Variants in GRID2 observed in about 807,000 individuals in gnomAD.
GRID2 encodes glutamate receptor ionotropic, delta-2.
In GRID2, 33 loss-of-function variants were observed where a neutral mutation model predicts 114.8. The observed-to-expected ratio is 0.29, with a 90% confidence interval of 0.22 to 0.38. The LOEUF is 0.38. GRID2 is among the 10% of genes least tolerant of loss of function. The pLI is 1.00. For missense variants in GRID2, 1,184 were observed against 1,257.7 expected, an observed-to-expected ratio of 0.94 and a Z score of 0.89; for synonymous variants, 505 against 449.9, an observed-to-expected ratio of 1.12 and a Z score of -1.55.
At chr4:93,521,713 A>G (rs1730356232) in intron 13 of GRID2, among the ~76,000 whole-genome samples, 2 of 152,082 alleles carry the variant, frequency 1.3e-5, no homozygotes, top group South Asian at 4.1e-4. Context: ...AGGTACTGGA[A>G]AAAAAATGCC....
chr4:92,843,547 T>A (rs902469343), intron 2 of GRID2, among the ~76,000 whole-genome samples: 58 of 152,278 alleles, frequency 3.8e-4, no homozygotes, highest in African/African-American at 1.3e-3. Context: ...AACATTTTCA[T>A]GAGGAATAAC....
rs200922538 is a variant in GRID2 at position 92,584,763 on chromosome 4, TA to T, written c.89-5359del. Among the ~76,000 whole-genome samples, 407 of 150,402 alleles carry T rather than the reference TA, an allele frequency of 2.7e-3. 1 individual carries two copies. The highest frequency in any genetic ancestry group is 8.0e-3 in the African/African-American group (327 of 41,064). On this transcript the variant is annotated intron_variant, in intron 1 of 15. Transcript: ENST00000282020. ...ACCCTCTGTCTATATATAGCCACCA[TA>T]AAAAAAAATGCTTAAAGTGAAAAAA...
intron 1 of GRID2, among the ~76,000 whole-genome samples, chr4:92,536,439 A>G (rs1443414488): frequency 6.6e-6 from 1 of 152,184 alleles, no homozygotes; most frequent in Non-Finnish European, 1.5e-5. Context: ...GTTGCATAGT[A>G]CTAGACAGAC....
intron 5 of GRID2, among the ~76,000 whole-genome samples, chr4:93,212,931 C>T (rs906008175): frequency 1.3e-4 from 20 of 151,966 alleles, no homozygotes; most frequent in Non-Finnish European, 5.9e-5. Flanking sequence ...TGCCACCACG[C>T]CTGGCTAATT....
At chr4:92,657,633 A>G (rs1732310196) in intron 2 of GRID2, among the ~76,000 whole-genome samples, 1 of 151,358 alleles carries the variant, frequency 6.6e-6, no homozygotes, top group Non-Finnish European at 1.5e-5. Context: ...TATCTGAAAG[A>G]GGAAAAACAA....
At chr4:93,421,023 G>A (rs912777637) in intron 9 of GRID2, among the ~76,000 whole-genome samples, 3 of 152,120 alleles carry the variant, frequency 2.0e-5, no homozygotes, top group Non-Finnish European at 4.4e-5. Flanking sequence ...AAAGTGCTGG[G>A]ATATTTCTTT....
chr4:92,355,697 A>C (rs2110191647), intron 1 of GRID2, among the ~76,000 whole-genome samples: 1 of 152,000 alleles, frequency 6.6e-6, no homozygotes, highest in African/African-American at 2.4e-5. Flanking sequence ...TTCAATATTT[A>C]TAATTATTCC....
intron 12 of GRID2, among the ~76,000 whole-genome samples, chr4:93,497,544 C>T (rs750488192): frequency 4.0e-5 from 6 of 151,672 alleles, no homozygotes; most frequent in Non-Finnish European, 8.8e-5. Flanking sequence ...GTATAAAGTG[C>T]AACGTTTAGG....
rs889317362 is a variant in GRID2 at position 93,583,821 on chromosome 4, A to C, written c.2194-42448A>C. Among the ~76,000 whole-genome samples, 27 of 152,186 alleles carry C rather than the reference A, an allele frequency of 1.8e-4. 1 individual carries two copies. Among genetic ancestry groups the C allele is most frequent in the Admixed American group, 1.3e-3 (20 of 15,266 alleles). ...CAAGCTTATACACTAGCAATTGACA[A>C]CTAATACATAGCCTTCAAGCTTTTT... On this transcript the variant is annotated intron_variant, in intron 13 of 15. Coordinates refer to ENST00000282020, the MANE Select transcript of GRID2 (RefSeq NM_001510.4).
In GRID2 at chr4:93,324,163, A is replaced by C. The variant is rs190333502; in HGVS notation, c.1246-71444A>C. ...GAGTGCTTCCAGTTTTTGTCCATTCAGTATGATATTGTCTGTGGGTTTGTC... is the reference window on the plus strand; with the variant it reads ...GAGTGCTTCCAGTTTTTGTCCATTCCGTATGATATTGTCTGTGGGTTTGTC... On this transcript the variant is annotated intron_variant, in intron 8 of 15. Transcript: ENST00000282020. 2.2e-3 allele frequency among the ~76,000 whole-genome samples: 340 copies of C among 152,258 alleles called. 3 individuals carry two copies. Among genetic ancestry groups the C allele is most frequent in the Non-Finnish European group, 4.1e-3 (282 of 68,020 alleles).
chr4:93,153,724 G>C (rs1736927545), intron 4 of GRID2, among the ~76,000 whole-genome samples: 1 of 152,060 alleles, frequency 6.6e-6, no homozygotes, highest in African/African-American at 2.4e-5. Flanking sequence ...AGCCATCCTG[G>C]AGAATTCCGG....
rs118120552 is a variant in GRID2 at position 93,055,956 on chromosome 4, T to C, written c.245-29039T>C. ...TCCCCTCATCTCCAAAAGTCACCTT[T>C]TGAATTCACACTCTTAGTTTACGAC... On this transcript the variant is annotated intron_variant, in intron 2 of 15. Transcript: ENST00000282020. Among the ~76,000 whole-genome samples, 636 of 152,024 alleles carry C rather than the reference T, an allele frequency of 4.2e-3. 19 individuals are homozygous for C. The East Asian group carries it at 0.061, about 15-fold the overall frequency.
intron 2 of GRID2, among the ~76,000 whole-genome samples, chr4:92,630,121 G>A (rs887747875): frequency 4.6e-5 from 7 of 151,754 alleles, no homozygotes; most frequent in Non-Finnish European, 7.4e-5. Context: ...GTGAAATCTC[G>A]GGTCTAGACA....
intron 2 of GRID2, among the ~76,000 whole-genome samples, chr4:92,975,950 A>G (rs1288353341): frequency 3.9e-5 from 6 of 152,276 alleles, no homozygotes; most frequent in African/African-American, 1.2e-4. Flanking sequence ...ACACATATAC[A>G]TATATGATAT....
intron 2 of GRID2, among the ~76,000 whole-genome samples, chr4:92,696,616 G>A (rs17019786): frequency 0.065 from 9,930 of 152,078 alleles, 406 homozygotes; most frequent in East Asian, 0.088. Context: ...AGCCAGAATC[G>A]TATATCCATA....
chr4:92,426,225 T>G (rs1390175338), intron 1 of GRID2, among the ~76,000 whole-genome samples: 2 of 152,112 alleles, frequency 1.3e-5, no homozygotes, highest in African/African-American at 4.8e-5. Flanking sequence ...AATAAGACCT[T>G]GGGTCATTCT....
chr4:93,249,520 T>C (rs1323598164), intron 8 of GRID2, among the ~76,000 whole-genome samples: 1 of 152,182 alleles, frequency 6.6e-6, no homozygotes, highest in African/African-American at 2.4e-5. Flanking sequence ...GGAATGTTTT[T>C]CCATTTGTTT....
intron 14 of GRID2, among the ~76,000 whole-genome samples, chr4:93,645,459 A>G (rs1319014025): frequency 2.0e-5 from 3 of 152,218 alleles, no homozygotes; most frequent in Non-Finnish European, 4.4e-5. Flanking sequence ...CAAACTCTCC[A>G]TTAAAACAGT....
At chr4:93,359,474 T>C (rs1168068704) in intron 8 of GRID2, among the ~76,000 whole-genome samples, 1 of 151,644 alleles carries the variant, frequency 6.6e-6, no homozygotes, top group African/African-American at 2.4e-5. Context: ...GCAATGAAAT[T>C]ATTATTGATT....
Sources: gnomAD v4.1 joint callset for allele counts (sites outside exome capture counted in the v4.1 genomes callset) on GRCh38, gnomAD v4.1.1 for gene constraint, MANE v1.5 for transcripts, NCBI Gene and HGNC (gene_info 2026-07-23, HGNC 2026-07-21) for gene names.